The following PKP4 variants were observed in gnomAD, a reference collection of about 807,000 sequenced individuals.
PKP4 encodes plakophilin 4, also known as plakophilin-4.
A neutral mutation model predicts 145.1 loss-of-function variants in PKP4; 90 were observed. That is an observed-to-expected ratio of 0.62 (90% CI 0.52 to 0.74). PKP4 has a LOEUF of 0.74. Ranked by LOEUF, PKP4 falls within the 30% of genes least tolerant of loss-of-function variation. PKP4 has a pLI of 0.00. For synonymous variants in PKP4, 563 were observed against 577.2 expected, an observed-to-expected ratio of 0.98 and a Z score of 0.35; for missense variants, 1,340 against 1,482.7, an observed-to-expected ratio of 0.90 and a Z score of 1.58.
intron 1 of PKP4, among the ~76,000 whole-genome samples, chr2:158,508,386 A>AG (rs2041201604): frequency 7.4e-5 from 2 of 27,128 alleles, no homozygotes; most frequent in East Asian, 5.8e-3. Flanking sequence ...AAAAAAAAAA[A>AG]AAGAAGAAGA....
chr2:158,531,810 T>A (rs1298829261), intron 1 of PKP4, among the ~76,000 whole-genome samples: 1 of 152,216 alleles, frequency 6.6e-6, no homozygotes, highest in Non-Finnish European at 1.5e-5. Flanking sequence ...CTAGGCCTTA[T>A]GTGCCATGAA....
At chr2:158,586,358 C>T (rs967522125) in intron 3 of PKP4, among the ~76,000 whole-genome samples, 17 of 152,174 alleles carry the variant, frequency 1.1e-4, no homozygotes, top group African/African-American at 4.1e-4. Flanking sequence ...GGCTTGCCTC[C>T]TTTCCTTTCT....
intron 2 of PKP4, among the ~76,000 whole-genome samples, chr2:158,559,488 C>T (rs1020871586): frequency 6.6e-6 from 1 of 152,130 alleles, no homozygotes; most frequent in Non-Finnish European, 1.5e-5. Context: ...TTACAGGAGC[C>T]TCAAGCCCTA....
rs111708573 is a variant in PKP4 at position 158,467,717 on chromosome 2, T to A, written c.-6+10499T>A. 3.3e-5 allele frequency among the ~76,000 whole-genome samples: 5 copies of A among 152,108 alleles called. No homozygotes were observed. In the East Asian group the frequency reaches 9.6e-4, roughly 29 times the overall value. On this transcript the variant is annotated intron_variant, in intron 1 of 21. Coordinates refer to ENST00000389759, the MANE Select transcript of PKP4 (RefSeq NM_003628.6). The stretch of plus-strand genomic sequence containing the variant: ...TAAAAATTAGCTGCGTGCGATGGCA[T>A]GTGCCTGTAGTCTCAGGTAATTGGG...
intron 3 of PKP4, among the ~76,000 whole-genome samples, chr2:158,602,579 G>C (rs2050316778): frequency 1.3e-5 from 2 of 152,102 alleles, no homozygotes; most frequent in African/African-American, 4.8e-5. Context: ...TGGCTTATAG[G>C]ACCTTATATT....
intron 1 of PKP4, chr2:158,457,999 C>G (rs955676774): frequency 6.6e-6 from 1 of 152,564 alleles, no homozygotes; most frequent in South Asian, 2.1e-4. Flanking sequence ...GCCCTCTCCC[C>G]TGGACCGCTA....
chr2:158,602,510 C>G (rs890564969), intron 3 of PKP4, among the ~76,000 whole-genome samples: 33 of 152,126 alleles, frequency 2.2e-4, no homozygotes, highest in African/African-American at 8.0e-4. Flanking sequence ...TTTTTATTCA[C>G]AAATTTTTTA....
rs2105359038 is a variant in PKP4 at position 158,457,166 on chromosome 2, G to C, written c.-58G>C. ...CGGGTGCCGCAGCGGCGACCCCTCG[G>C]CGCCGATGTCCCTGATCCCTGGAGC... On this transcript the variant is annotated 5_prime_UTR_variant, in exon 1 of 22. Coordinates refer to ENST00000389759, the MANE Select transcript of PKP4 (RefSeq NM_003628.6). 6.6e-6 allele frequency: 1 copy of C among 151,774 alleles called. No individual in the cohort carries two copies. The highest frequency in any genetic ancestry group is 1.5e-5 in the Non-Finnish European group (1 of 67,846). 9.4% of individuals were successfully genotyped at this position (151,774 alleles called of 1,614,324 possible).
chr2:158,612,361 T>C (rs1417606017), intron 4 of PKP4, among the ~76,000 whole-genome samples: 2 of 152,234 alleles, frequency 1.3e-5, no homozygotes, highest in Non-Finnish European at 2.9e-5. Context: ...AATGGCTAAA[T>C]AGTATTCATC....
chr2:158,631,942 G>A lies in PKP4; in HGVS notation c.1342+1G>A, dbSNP rs748136856. 1.2e-6 allele frequency: 2 copies of A among 1,613,158 alleles called. No individual in the cohort carries two copies. Among genetic ancestry groups the A allele is most frequent in the South Asian group, 2.2e-5 (2 of 91,036 alleles). ...ACGGCGTTGTATCGCACAGGTTCAG[G>A]TGGGCATCAACTCTGTTTACTGGTT... On this transcript the variant is annotated splice_donor_variant, in intron 8 of 21. Coordinates refer to ENST00000389759, the MANE Select transcript of PKP4 (RefSeq NM_003628.6). LOFTEE classifies it high-confidence loss of function.
chr2:158,628,738 C>T (rs1469524696), intron 7 of PKP4, among the ~76,000 whole-genome samples: 1 of 152,154 alleles, frequency 6.6e-6, no homozygotes, highest in Non-Finnish European at 1.5e-5. Context: ...ATTCCAGTGA[C>T]GAATCCAGCC....
chr2:158,468,137 G>C (rs567484429), intron 1 of PKP4, among the ~76,000 whole-genome samples: 1 of 152,288 alleles, frequency 6.6e-6, no homozygotes, highest in East Asian at 1.9e-4. Flanking sequence ...AAATGCCCAG[G>C]AATACAATTG....
intron 9 of PKP4, among the ~76,000 whole-genome samples, chr2:158,636,642 A>G (rs528782706): frequency 6.6e-6 from 1 of 152,266 alleles, no homozygotes; most frequent in East Asian, 1.9e-4. Context: ...TAGGACTTGA[A>G]TTAAACACAT....
Position 158,624,873 on chromosome 2 carries a change from A to C in PKP4, c.604-5A>C. On this transcript the variant is annotated splice_polypyrimidine_tract_variant and splice_region_variant and intron_variant, in intron 6 of 21. Coordinates refer to ENST00000389759, the MANE Select transcript of PKP4 (RefSeq NM_003628.6). ...CCATTCTCTTTTTTCCCCCCCTTTC[A>C]TCAGCCATCAGTAGCCAATCGGGCC... The C allele has an allele frequency of 1.3e-6, 2 of 1,560,090 alleles. No homozygotes were observed. The highest frequency in any genetic ancestry group is 1.7e-6 in the Non-Finnish European group (2 of 1,151,666).
At chr2:158,581,884 T>C (rs1033668416) in intron 3 of PKP4, among the ~76,000 whole-genome samples, 1 of 152,254 alleles carries the variant, frequency 6.6e-6, no homozygotes, top group Non-Finnish European at 1.5e-5. Flanking sequence ...TTAGAATTAG[T>C]AGTCTTCCAA....
intron 3 of PKP4, among the ~76,000 whole-genome samples, chr2:158,586,177 A>T (rs916569817): frequency 3.3e-5 from 5 of 152,150 alleles, no homozygotes; most frequent in Non-Finnish European, 7.4e-5. Flanking sequence ...CATCAGTTGT[A>T]CATTTGGGTT....
At chr2:158,538,128 C>A in intron 2 of PKP4, among the ~76,000 whole-genome samples, 1 of 152,156 alleles carries the variant, frequency 6.6e-6, no homozygotes, top group East Asian at 1.9e-4. Flanking sequence ...CCCTTGGATG[C>A]AGAGAAATTG....
In PKP4 at chr2:158,534,015, T is replaced by G. The variant is rs13428961; in HGVS notation, c.132+699T>G. The stretch of plus-strand genomic sequence containing the variant: ...TAAAGCTCCAGGGATGGTTTTTTTG[T>G]TTTTTTTTCCCTGCTTCTTCTCTCC... On this transcript the variant is annotated intron_variant, in intron 2 of 21. Transcript: ENST00000389759. Among the ~76,000 whole-genome samples, 648 of 150,988 alleles carry G rather than the reference T, an allele frequency of 4.3e-3. 4 individuals carry two copies. Among genetic ancestry groups the G allele is most frequent in the Middle Eastern group, 0.021 (6 of 290 alleles).
chr2:158,513,126 G>A (rs2041654487), intron 1 of PKP4, among the ~76,000 whole-genome samples: 1 of 152,166 alleles, frequency 6.6e-6, no homozygotes, highest in Non-Finnish European at 1.5e-5. Context: ...GCAATCACAT[G>A]TGATAAGTCA....
Sources: allele counts gnomAD v4.1 joint callset (sites outside exome capture counted in the v4.1 genomes callset), GRCh38; gene constraint gnomAD v4.1.1; transcripts MANE v1.5; gene names NCBI Gene and HGNC (gene_info 2026-07-23, HGNC 2026-07-21).